PSMG2: variants seen among roughly 807,000 people sequenced by gnomAD.
The protein encoded by PSMG2 is CD40 ligand-activated specific transcript 3.
Under a neutral mutation model 31.5 loss-of-function variants are expected in PSMG2, and 21 were observed. The ratio of observed to expected loss-of-function variants is 0.67; its 90% CI spans 0.47 to 0.96. The LOEUF (loss-of-function observed/expected upper bound fraction) is 0.96, where lower values mean the gene tolerates loss of function less well. PSMG2 is among the 40% of genes least tolerant of loss of function. The pLI is 0.00. For missense variants in PSMG2, 318 were observed against 321.2 expected (o/e 0.99, Z 0.08); for synonymous variants, 120 against 110.4 (o/e 1.09, Z -0.54).
chr18:12,718,311 C>T (rs1441171097), intron 3 of PSMG2, among the ~76,000 whole-genome samples: 4 of 152,114 alleles, frequency 2.6e-5, no homozygotes, highest in African/African-American at 7.2e-5. Flanking sequence ...CCATTGATTT[C>T]TTAATTATAA....
chr18:12,700,736 G>A (rs2040122373), upstream of PSMG2, among the ~76,000 whole-genome samples: 1 of 152,104 alleles, frequency 6.6e-6, no homozygotes, highest in South Asian at 2.1e-4. Context: ...TCACTGTAGA[G>A]ACAGGAATAA....
At chr18:12,687,488 C>A (rs184922318) in intron 1 of PSMG2, among the ~76,000 whole-genome samples, 69 of 146,224 alleles carry the variant, frequency 4.7e-4, no homozygotes, top group African/African-American at 1.7e-3. Context: ...CAGAGTCTCG[C>A]TGTTGTCCAG....
chr18:12,674,082 G>T (rs1318753831), intron 1 of PSMG2, among the ~76,000 whole-genome samples: 1 of 151,992 alleles, frequency 6.6e-6, no homozygotes, highest in Non-Finnish European at 1.5e-5. Context: ...ATCAAAATCT[G>T]TGGCAAGGAG....
upstream of PSMG2, chr18:12,702,708 G>T (rs947528080): frequency 2.7e-6 from 2 of 743,012 alleles, no homozygotes; most frequent in Non-Finnish European, 4.2e-6. Context: ...GTCAGGCCGG[G>T]GGCTGACCTG....
chr18:12,705,070 T>TC (rs1347520932), intron 1 of PSMG2, among the ~76,000 whole-genome samples: 5 of 152,092 alleles, frequency 3.3e-5, no homozygotes, highest in African/African-American at 4.8e-5. Flanking sequence ...ATTGAACTTT[T>TC]TTTTTTTTTT....
At chr18:12,691,133 T>A in intron 1 of PSMG2, 4 of 383,882 alleles carry the variant, frequency 1.0e-5, no homozygotes, top group Non-Finnish European at 1.8e-5. Context: ...AGAAAGGTGA[T>A]TTTTCAAAAA....
At chr18:12,685,482 A>G (rs2039509186) in intron 1 of PSMG2, 1 of 152,158 alleles carries the variant, frequency 6.6e-6, no homozygotes, top group Non-Finnish European at 1.5e-5. Context: ...ACATGAGAAA[A>G]TAAAGATGCT....
chr18:12,722,650 G>GA (rs1421388554), intron 5 of PSMG2, among the ~76,000 whole-genome samples: 1 of 152,156 alleles, frequency 6.6e-6, no homozygotes, highest in African/African-American at 2.4e-5. Context: ...AGGAAATGCG[G>GA]ATTTTACCCT....
chr18:12,717,020 G>A (rs552646661), intron 3 of PSMG2, among the ~76,000 whole-genome samples: 1 of 148,516 alleles, frequency 6.7e-6, no homozygotes, highest in Admixed American at 6.8e-5. Flanking sequence ...CACAACTATG[G>A]CTCACTACAG....
At position 12,710,565 on chromosome 18, in the gene PSMG2, A is replaced by T. The variant is rs76776965; in HGVS notation, c.230-2137A>T. ...TTTTTCATCACAAACCGATTTATTGAAGAAAAGACTAGGTGTATTGTTTTG... is the reference window on the plus strand; with the variant it reads ...TTTTTCATCACAAACCGATTTATTGTAGAAAAGACTAGGTGTATTGTTTTG... On this transcript the variant is annotated intron_variant, in intron 2 of 6. Transcript: ENST00000317615. Among the ~76,000 whole-genome samples, 894 of 152,216 alleles carry T rather than the reference A, an allele frequency of 5.9e-3. 7 individuals carry two copies. The highest frequency in any genetic ancestry group is 0.02 in the African/African-American group (840 of 41,510).
At chr18:12,672,391 C>T (rs1053951420) in intron 1 of PSMG2, among the ~76,000 whole-genome samples, 2 of 152,338 alleles carry the variant, frequency 1.3e-5, no homozygotes, top group South Asian at 2.1e-4. Context: ...GCTGGGATTA[C>T]AGGCATAAAC....
chr18:12,724,462 A>G (rs746848795), intron 5 of PSMG2, 37 bp from the exon 6 acceptor site: 7 of 1,560,644 alleles, frequency 4.5e-6, no homozygotes, highest in South Asian at 2.5e-5. Context: ...CTTGTACCCT[A>G]TGAAAGAATA....
chr18:12,712,806 G>A, intron 3 of PSMG2, 46 bp downstream of exon 3: 1 of 1,427,006 alleles, frequency 7.0e-7, no homozygotes. Context: ...AGTGTAATGA[G>A]AAAATAAGTA....
chr18:12,670,523 A>G (rs770541460), intron 1 of PSMG2: 9 of 152,184 alleles, frequency 5.9e-5, no homozygotes, highest in Non-Finnish European at 1.2e-4. Context: ...CTCAGCCTCA[A>G]TGTTAATACA....
At chr18:12,674,411 C>T in intron 1 of PSMG2, 2 of 676,166 alleles carry the variant, frequency 3.0e-6, no homozygotes, top group Admixed American at 3.1e-5. Context: ...CACTGTACTC[C>T]AGCATGGGCA....
At chr18:12,672,568 G>A in intron 1 of PSMG2, 1 of 687,516 alleles carries the variant, frequency 1.5e-6, no homozygotes, top group African/African-American at 2.0e-5. Context: ...AGAAAAAAGG[G>A]TTTCAGAAGA....
intron 1 of PSMG2, among the ~76,000 whole-genome samples, chr18:12,672,171 G>A (rs895503973): frequency 1.4e-5 from 2 of 147,726 alleles, no homozygotes; most frequent in African/African-American, 2.5e-5. Context: ...CTGGAGTGCA[G>A]TGGCGCGATC....
upstream of PSMG2, chr18:12,702,439 G>A (rs747412434): frequency 3.4e-6 from 5 of 1,450,468 alleles, no homozygotes; most frequent in Admixed American, 3.4e-5. Flanking sequence ...AGGAGGGAAA[G>A]GTTATGGGTC....
chr18:12,671,638 CTTTCTT>C (rs1359122409), intron 1 of PSMG2, among the ~76,000 whole-genome samples: 8,727 of 81,250 alleles, frequency 0.11, 373 homozygotes, highest in Non-Finnish European at 0.18. Flanking sequence ...AGGTTTCACA[CTTTCTT>C]TTTTTTTTTT....
Sources: gnomAD v4.1 joint callset for allele counts (sites outside exome capture counted in the v4.1 genomes callset) on GRCh38, gnomAD v4.1.1 for gene constraint, MANE v1.5 for transcripts, NCBI Gene and HGNC (gene_info 2026-07-23, HGNC 2026-07-21) for gene names.